HFE: variants seen among roughly 807,000 people sequenced by gnomAD.
HFE encodes the protein hereditary hemochromatosis protein.
Under a neutral mutation model 40.9 loss-of-function variants are expected in HFE, and 36 were observed. The observed-to-expected ratio is 0.88, with a 90% CI of 0.67 to 1.16. HFE has a LOEUF of 1.16. Ranked by LOEUF, HFE falls within the 50% of genes most tolerant of loss-of-function variation. HFE has a pLI of 0.00. For synonymous variants in HFE, 157 were observed against 165.4 expected (o/e 0.95, Z 0.39); for missense variants, 376 against 432.0 (o/e 0.87, Z 1.15).
At chr6:26,090,169 C>G (rs181501484) in intron 1 of HFE, among the ~76,000 whole-genome samples, 5 of 151,972 alleles carry the variant, frequency 3.3e-5, no homozygotes, top group East Asian at 3.9e-4. Context: ...CAAGGCTGGG[C>G]ACGGTGGCTC....
rs913457994 is a variant in HFE at position 26,096,622 on chromosome 6, A to G, written c.*2396A>G. On this transcript the variant is annotated 3_prime_UTR_variant, in exon 6 of 6. Coordinates refer to ENST00000357618, the MANE Select transcript of HFE (RefSeq NM_000410.4). ...GCAAAGATATCTCATCTCTTCTTTT[A>G]AACCATTTTCTTTTTTTGTGGTTAG... The G allele has an allele frequency of 8.9e-6, 4 of 450,556 alleles. No individual in the cohort carries two copies. The highest frequency in any genetic ancestry group is 3.2e-5 in the South Asian group (2 of 62,770). 27.9% of individuals were successfully genotyped at this position (450,556 alleles called of 1,614,324 possible).
intron 1 of HFE, among the ~76,000 whole-genome samples, chr6:26,089,420 AAC>A (rs1762520743): frequency 6.6e-6 from 1 of 152,160 alleles, no homozygotes; most frequent in Non-Finnish European, 1.5e-5. Context: ...GCCAAGGAGT[AAC>A]AGTGATCTGT....
Position 26,092,691 on chromosome 6 carries a change from CT to C in HFE, c.626del (p.Leu209TrpfsTer2), listed in dbSNP as rs1762806344. 1 of 1,614,162 alleles carries C rather than the reference CT, an allele frequency of 6.2e-7. No individual in the cohort carries two copies. The highest frequency in any genetic ancestry group is 8.5e-7 in the Non-Finnish European group (1 of 1,180,008). ...GRGVLDQQVP[P>X]LVKVTHHVTS... ...CTTCCTCTTTCCTGTCAAGTGCCTC[CT>C]TTGGTGAAGGTGACACATCATGTGA... On this transcript the variant is annotated frameshift_variant, in exon 4 of 6. Transcript: ENST00000357618. LOFTEE classifies it high-confidence loss of function.
chr6:26,092,637 C>G lies in HFE; in HGVS notation c.617-48C>G, dbSNP rs807209. ...GAAGTGAAAGTTCCAGTCTTCCTGG[C>G]AAGGGTAAACAGATCCCCTCTCCTC... On this transcript the variant is annotated intron_variant, in intron 3 of 5. Coordinates refer to ENST00000357618, the MANE Select transcript of HFE (RefSeq NM_000410.4). 8.2e-3 allele frequency: 13,238 copies of G among 1,614,010 alleles called. 721 individuals are homozygous for G. The African/African-American group carries it at 0.13, about 16-fold the overall frequency.
intron 1 of HFE, among the ~76,000 whole-genome samples, chr6:26,089,106 T>TGGGGGGGGGG (rs576461485): frequency 1.7e-4 from 1 of 5,864 alleles, no homozygotes; most frequent in African/African-American, 5.4e-4. Flanking sequence ...TGTGTGTGTG[T>TGGGGGGGGGG]GTGGGGGGGG....
chr6:26,092,673 T>C lies in HFE; in HGVS notation c.617-12T>C. On this transcript the variant is annotated splice_polypyrimidine_tract_variant and intron_variant, in intron 3 of 5. Coordinates refer to ENST00000357618, the MANE Select transcript of HFE (RefSeq NM_000410.4). ...AGATCCCCTCTCCTCATCCTTCCTC[T>C]TTCCTGTCAAGTGCCTCCTTTGGTG... The C allele has an allele frequency of 6.2e-7, 1 of 1,614,214 alleles. No homozygotes were observed. Among genetic ancestry groups the C allele is most frequent in the Non-Finnish European group, 8.5e-7 (1 of 1,180,026 alleles).
At position 26,097,944 on chromosome 6, in the gene HFE, T is replaced by C. The variant is rs1222322715; in HGVS notation, c.*3718T>C. On this transcript the variant is annotated 3_prime_UTR_variant, in exon 6 of 6. Transcript: ENST00000357618. ...ACTTTTTTTCAAACCACAATCTGAT[T>C]TAACAATGACTATCATTTAAATATT... 6.6e-6 allele frequency: 1 copy of C among 152,226 alleles called. No individual in the cohort carries two copies. The highest frequency in any genetic ancestry group is 1.5e-5 in the Non-Finnish European group (1 of 68,040). 9.4% of individuals were successfully genotyped at this position (152,226 alleles called of 1,614,324 possible).
Position 26,097,854 on chromosome 6 carries a change from C to G in HFE, c.*3628C>G, listed in dbSNP as rs1456519107. 1 of 152,194 alleles carries G rather than the reference C, an allele frequency of 6.6e-6. No individual in the cohort carries two copies. The highest frequency in any genetic ancestry group is 2.4e-5 in the African/African-American group (1 of 41,454). 9.4% of individuals were successfully genotyped at this position (152,194 alleles called of 1,614,324 possible). On this transcript the variant is annotated 3_prime_UTR_variant, in exon 6 of 6. Coordinates refer to ENST00000357618, the MANE Select transcript of HFE (RefSeq NM_000410.4). ...ATAAAACATTCTTCACAAACTCACA[C>G]ACATTTAAAAACAAAACACTGTCTC... is the stretch of plus-strand genomic sequence containing the variant.
rs533438463 is a variant in HFE at position 26,098,095 on chromosome 6, C to G, written c.*3869C>G. The stretch of plus-strand genomic sequence containing the variant: ...TCAGCGATTAACTTCTACACTCTAA[C>G]ATGTAGAATGTTACTACAATATTAA... On this transcript the variant is annotated 3_prime_UTR_variant, in exon 6 of 6. Transcript: ENST00000357618. The G allele has an allele frequency of 3.9e-5, 6 of 152,298 alleles. No homozygotes were observed. The highest frequency in any genetic ancestry group is 1.4e-4 in the African/African-American group (6 of 41,566). 9.4% of individuals were successfully genotyped at this position (152,298 alleles called of 1,614,324 possible). A position where few individuals can be genotyped will look rare whatever the true frequency, so the allele number is the denominator to read the frequency against.
chr6:26,094,104 A>G (rs1762909886), intron 5 of HFE, 82 bp from the exon 6 acceptor site: 1 of 1,309,166 alleles, frequency 7.6e-7, no homozygotes, highest in Non-Finnish European at 1.1e-6. Context: ...AGATGGGTGA[A>G]TGAGGAAAAT....
intron 2 of HFE, 40 bp from the exon 3 acceptor site, chr6:26,091,273 AT>A: frequency 1.2e-6 from 2 of 1,613,742 alleles, no homozygotes; most frequent in Non-Finnish European, 8.5e-7. Context: ...ATAGGGACCT[AT>A]TCCTTTGGTT....
Position 26,098,208 on chromosome 6 carries a change from A to G in HFE, c.*3982A>G, listed in dbSNP as rs1581679864. 6.6e-6 allele frequency: 1 copy of G among 152,240 alleles called. No homozygotes were observed. Among genetic ancestry groups the G allele is most frequent in the African/African-American group, 2.4e-5 (1 of 41,456 alleles). The allele number at this position is 152,240 out of a possible 1,614,324, so 9.4% of individuals were successfully genotyped here. ...TTACTTGATATGCATGCATTCTGGT[A>G]TCTCAAGCATTCTATTTCTGAGTAA... On this transcript the variant is annotated 3_prime_UTR_variant, in exon 6 of 6. Coordinates refer to ENST00000357618, the MANE Select transcript of HFE (RefSeq NM_000410.4).
At chr6:26,088,463 G>A (rs1762437065) in intron 1 of HFE, among the ~76,000 whole-genome samples, 1 of 152,204 alleles carries the variant, frequency 6.6e-6, no homozygotes, top group African/African-American at 2.4e-5. Context: ...GTTTTCTGAT[G>A]TTATTTCAAG....
At chr6:26,090,442 C>CAAAA (rs56267433) in intron 1 of HFE, among the ~76,000 whole-genome samples, 6,906 of 36,778 alleles carry the variant, frequency 0.19, 1,685 homozygotes, top group East Asian at 0.47. Context: ...GACTCTGTCT[C>CAAAA]AAAAAAAAAA....
At chr6:26,090,457 A>C (rs1364237310) in intron 1 of HFE, among the ~76,000 whole-genome samples, 1 of 150,518 alleles carries the variant, frequency 6.6e-6, no homozygotes, top group African/African-American at 2.4e-5. Context: ...AAAAAAAAAA[A>C]AAAAAAAAAA....
In HFE at chr6:26,095,924, C is replaced by A. The variant is rs1763009280; in HGVS notation, c.*1698C>A. 2 of 152,620 alleles carry A rather than the reference C, an allele frequency of 1.3e-5. No individual in the cohort carries two copies. Among genetic ancestry groups the A allele is most frequent in the African/African-American group, 4.8e-5 (2 of 41,420 alleles). The allele number at this position is 152,620 out of a possible 1,614,324, so 9.5% of individuals were successfully genotyped here. A position where few individuals can be genotyped will look rare whatever the true frequency, so the allele number is the denominator to read the frequency against. ...CTTCACACACGGTGTCCTCCCTAGG[C>A]CAGTGCCTCTGGAGTCAGAACTCTG... is the stretch of plus-strand genomic sequence containing the variant. On this transcript the variant is annotated 3_prime_UTR_variant, in exon 6 of 6. Transcript: ENST00000357618.
In HFE at chr6:26,095,437, C is replaced by T. The variant is rs7762959; in HGVS notation, c.*1211C>T. The T allele has an allele frequency of 0.097, 14,640 of 151,278 alleles. 911 individuals are homozygous for T. Among genetic ancestry groups the T allele is most frequent in the South Asian group, 0.2 (980 of 4,804 alleles). The allele number at this position is 151,278 out of a possible 1,614,324, so 9.4% of individuals were successfully genotyped here. A position where few individuals can be genotyped will look rare whatever the true frequency, so the allele number is the denominator to read the frequency against. On this transcript the variant is annotated 3_prime_UTR_variant, in exon 6 of 6. Coordinates refer to ENST00000357618, the MANE Select transcript of HFE (RefSeq NM_000410.4). ...CCAGGAGGCAGAGCTTGCAGTGAGC[C>T]GAGTTTGCGCCACTGCACTCCAGCC...
At position 26,092,801 on chromosome 6, in the gene HFE, C is replaced by A. The variant is rs140515012; in HGVS notation, c.733C>A (p.Pro245Thr). The stretch of plus-strand genomic sequence containing the variant: ...CATGAAGTGGCTGAAGGATAAGCAG[C>A]CAATGGATGCCAAGGAGTTCGAACC... ...ITMKWLKDKQ[P>T]MDAKEFEPKD... The change falls in exon 4 of 6, where the codon CCA becomes ACA. Residue 245 changes from proline to threonine, a missense_variant. Around this residue, in one of 3 missense-constraint regions of HFE, gnomAD observed 173 missense variants for 186.9 expected, o/e 0.93. Transcript: ENST00000357618. 1.9e-6 allele frequency: 3 copies of A among 1,614,088 alleles called. No homozygotes were observed. The African/African-American group carries it at 4.0e-5, about 22-fold the overall frequency.
rs907236224 is a variant in HFE, at chr6:26,096,541, G to C, written c.*2315G>C. 2 of 456,344 alleles carry C rather than the reference G, an allele frequency of 4.4e-6. No individual in the cohort carries two copies. Among genetic ancestry groups the C allele is most frequent in the Non-Finnish European group, 8.8e-6 (2 of 226,812 alleles). 28.3% of individuals were successfully genotyped at this position (456,344 alleles called of 1,614,324 possible). On this transcript the variant is annotated 3_prime_UTR_variant, in exon 6 of 6. Transcript: ENST00000357618. Reference sequence around the variant, plus strand: ...ACAAGCATTCTGTCTTGAAGGGCAGGTGCTTCAGGATACCATATACAGCTC... The same window carrying C: ...ACAAGCATTCTGTCTTGAAGGGCAGCTGCTTCAGGATACCATATACAGCTC...
Sources: allele counts gnomAD v4.1 joint callset (sites outside exome capture counted in the v4.1 genomes callset), GRCh38; gene constraint gnomAD v4.1.1; regional missense constraint gnomAD v4.1.1; transcripts MANE v1.5; gene names NCBI Gene and HGNC (gene_info 2026-07-23, HGNC 2026-07-21).